The following TBXAS1 variants were observed in gnomAD, a reference collection of about 807,000 sequenced individuals.
TBXAS1 encodes the protein thromboxane-A synthase.
TBXAS1 carries 48 observed loss-of-function variants against 60.7 expected under a neutral mutation model. That is an observed-to-expected ratio of 0.79 (90% CI 0.63 to 1.01). The LOEUF is 1.01. TBXAS1 is among the 50% of genes least tolerant of loss of function. The probability of loss-of-function intolerance (pLI) is 0.00; values close to 1 mark genes in which losing one functional copy is unlikely to be tolerated. For missense variants in TBXAS1, 685 were observed against 686.3 expected (o/e 1.00, Z 0.02); for synonymous variants, 287 against 269.7 (o/e 1.06, Z -0.63).
chr7:139,960,558 C>T (rs911482267), intron 8 of TBXAS1, among the ~76,000 whole-genome samples: 1 of 151,904 alleles, frequency 6.6e-6, no homozygotes, highest in Admixed American at 6.6e-5. Context: ...CCAGCCTGAC[C>T]AACATGGTGA....
At chr7:140,005,299 G>C (rs1041636866) in intron 9 of TBXAS1, among the ~76,000 whole-genome samples, 2 of 152,112 alleles carry the variant, frequency 1.3e-5, no homozygotes, top group Non-Finnish European at 2.9e-5. Flanking sequence ...CATGGTGGCA[G>C]ATGCCTGTAA....
chr7:139,864,621 AAAAC>A (rs569665156), intron 1 of TBXAS1, among the ~76,000 whole-genome samples: 348 of 151,762 alleles, frequency 2.3e-3, no homozygotes, highest in Middle Eastern at 3.4e-3. Flanking sequence ...AAAAGAGAAA[AAAAC>A]AAAGAGTGTG....
Position 139,866,250 on chromosome 7 carries a change from G to A in TBXAS1, c.90-5985G>A, listed in dbSNP as rs537100105. ...GCACAAAGTGTGGGAAAACCTCTGCGCAGAAATGCTAACTGTAGCAGCATA... is the reference window on the plus strand; with the variant it reads ...GCACAAAGTGTGGGAAAACCTCTGCACAGAAATGCTAACTGTAGCAGCATA... On this transcript the variant is annotated intron_variant, in intron 1 of 12. Coordinates refer to ENST00000448866, the MANE Select transcript of TBXAS1 (RefSeq NM_001061.7). 1.3e-4 allele frequency among the ~76,000 whole-genome samples: 20 copies of A among 152,226 alleles called. No homozygotes were observed. The South Asian group carries it at 1.9e-3, about 14-fold the overall frequency.
In TBXAS1 at chr7:139,867,444, T is replaced by C. The variant is rs139126840; in HGVS notation, c.90-4791T>C. On this transcript the variant is annotated intron_variant, in intron 1 of 12. Transcript: ENST00000448866. ...TCAGTTTGACCATCTCCTTAATATG[T>C]GATTCATCAAAATACCAATTTATCA... Among the ~76,000 whole-genome samples the C allele has an allele frequency of 1.4e-3, 212 of 152,308 alleles. 1 individual carries two copies. The highest frequency in any genetic ancestry group is 4.7e-3 in the African/African-American group (197 of 41,576).
At chr7:140,001,955 T>C (rs2116347066) in intron 9 of TBXAS1, among the ~76,000 whole-genome samples, 1 of 152,244 alleles carries the variant, frequency 6.6e-6, no homozygotes, top group African/African-American at 2.4e-5. Flanking sequence ...GAGATGTGTG[T>C]CTCTCATCTG....
Position 140,020,106 on chromosome 7 carries a change from A to T in TBXAS1, c.*7A>T. The stretch of plus-strand genomic sequence containing the variant: ...CAAGATCGTATCCCGCTGACACAGA[A>T]GGCTGCCGGGTGGGGGGAGGGCACC... On this transcript the variant is annotated 3_prime_UTR_variant, in exon 13 of 13. Coordinates refer to ENST00000448866, the MANE Select transcript of TBXAS1 (RefSeq NM_001061.7). 2.6e-6 allele frequency: 4 copies of T among 1,533,796 alleles called. No individual in the cohort carries two copies. The highest frequency in any genetic ancestry group is 3.6e-6 in the Non-Finnish European group (4 of 1,110,154).
intron 4 of TBXAS1, among the ~76,000 whole-genome samples, chr7:139,822,436 C>G (rs1798324097): frequency 6.6e-6 from 1 of 152,136 alleles, no homozygotes; most frequent in Non-Finnish European, 1.5e-5. Context: ...TATGGCTTTG[C>G]CCCATCCACA....
intron 10 of TBXAS1, among the ~76,000 whole-genome samples, chr7:140,011,963 G>A (rs1049921419): frequency 6.6e-6 from 1 of 152,154 alleles, no homozygotes. Flanking sequence ...TTTGATGGAC[G>A]GTTTGAGCCT....
chr7:139,804,910 T>G (rs191014142), intron 4 of TBXAS1, among the ~76,000 whole-genome samples: 1 of 152,220 alleles, frequency 6.6e-6, no homozygotes, highest in Non-Finnish European at 1.5e-5. Context: ...TAATACAACA[T>G]GTTTGTTTTT....
At chr7:140,015,903 G>A (rs1815006363) in intron 11 of TBXAS1, 43 bp downstream of exon 11, 3 of 1,611,688 alleles carry the variant, frequency 1.9e-6, no homozygotes, top group Non-Finnish European at 1.7e-6. Flanking sequence ...GGATGTGAGT[G>A]TGTGGGATAG....
intron 9 of TBXAS1, among the ~76,000 whole-genome samples, chr7:139,970,625 T>A (rs1207661045): frequency 6.6e-6 from 1 of 152,220 alleles, no homozygotes; most frequent in East Asian, 1.9e-4. Context: ...GATTATTCCA[T>A]AATCATGATG....
intron 3 of TBXAS1, among the ~76,000 whole-genome samples, chr7:139,894,110 G>A (rs1290500868): frequency 1.3e-5 from 2 of 152,200 alleles, no homozygotes; most frequent in Non-Finnish European, 2.9e-5. Context: ...TTCTTGAGAG[G>A]TAGAGCACAG....
intron 4 of TBXAS1, among the ~76,000 whole-genome samples, chr7:139,912,648 T>A (rs1805621441): frequency 6.6e-6 from 1 of 152,090 alleles, no homozygotes; most frequent in Non-Finnish European, 1.5e-5. Flanking sequence ...TGCAGTGTGG[T>A]GAGTGCTCCT....
intron 1 of TBXAS1, among the ~76,000 whole-genome samples, chr7:139,848,931 A>T (rs2116632399): frequency 6.6e-6 from 1 of 152,300 alleles, no homozygotes; most frequent in South Asian, 2.1e-4. Flanking sequence ...CTGGATTCTG[A>T]TCTTTGGCAA....
chr7:139,948,669 T>G (rs1459075415), intron 5 of TBXAS1, among the ~76,000 whole-genome samples: 3 of 152,212 alleles, frequency 2.0e-5, no homozygotes, highest in Admixed American at 1.3e-4. Flanking sequence ...TTTAGTAAGA[T>G]CTGAGTGAGA....
intron 9 of TBXAS1, among the ~76,000 whole-genome samples, chr7:139,993,024 A>G (rs1037262564): frequency 1.3e-5 from 2 of 152,172 alleles, no homozygotes; most frequent in African/African-American, 4.8e-5. Flanking sequence ...TAAAAAAATT[A>G]AAAACAAACA....
intron 1 of TBXAS1, among the ~76,000 whole-genome samples, chr7:139,846,979 G>A (rs186278739): frequency 3.5e-4 from 54 of 152,150 alleles, no homozygotes; most frequent in Non-Finnish European, 5.7e-4. Context: ...TTTTCCATAC[G>A]GTCAAGCGGA....
chr7:139,823,750 G>C (rs1441658476), intron 4 of TBXAS1, among the ~76,000 whole-genome samples: 7 of 152,216 alleles, frequency 4.6e-5, no homozygotes, highest in Non-Finnish European at 1.0e-4. Flanking sequence ...TCTAGGTTGT[G>C]TTACATGTAT....
chr7:139,780,514 G>C (rs550063774), intron 1 of TBXAS1, among the ~76,000 whole-genome samples: 32 of 149,784 alleles, frequency 2.1e-4, no homozygotes, highest in African/African-American at 7.7e-4. Flanking sequence ...TTGTTGAATG[G>C]ATGATAGCTG....
Sources: gnomAD v4.1 joint callset for allele counts (sites outside exome capture counted in the v4.1 genomes callset) on GRCh38, gnomAD v4.1.1 for gene constraint, MANE v1.5 for transcripts, NCBI Gene and HGNC (gene_info 2026-07-23, HGNC 2026-07-21) for gene names.